The following RIT2 variants were observed in gnomAD, a reference collection of about 807,000 sequenced individuals.
RIT2 encodes the protein GTP-binding protein Rit2.
In RIT2, 24 loss-of-function variants were observed where a neutral mutation model predicts 23.7. That is an observed-to-expected ratio of 1.01 (90% confidence interval 0.73 to 1.43). The LOEUF is 1.43. RIT2 is among the 40% of genes most tolerant of loss of function. RIT2 has a pLI of 0.00. For missense variants in RIT2, 236 were observed against 266.9 expected, an observed-to-expected ratio of 0.88 and a Z score of 0.81; for synonymous variants, 107 against 91.1, an observed-to-expected ratio of 1.17 and a Z score of -0.99.
chr18:42,933,158 T>A lies in RIT2; in HGVS notation c.235-9395A>T, dbSNP rs149289214. Reference sequence around the variant, plus strand: ...AATGCCATTTAGAAAAATACTTTGATGTGCTAACTCTATGATAATGTATGT... The same window carrying A: ...AATGCCATTTAGAAAAATACTTTGAAGTGCTAACTCTATGATAATGTATGT... On this transcript the variant is annotated intron_variant, in intron 3 of 4. Transcript: ENST00000326695. 9.8e-4 allele frequency among the ~76,000 whole-genome samples: 149 copies of A among 152,276 alleles called. 2 individuals are homozygous for A. In the East Asian group the frequency reaches 0.021, roughly 22 times the overall value.
At chr18:42,844,257 A>G (rs962792918) in intron 4 of RIT2, among the ~76,000 whole-genome samples, 5 of 152,166 alleles carry the variant, frequency 3.3e-5, no homozygotes, top group Non-Finnish European at 5.9e-5. Flanking sequence ...ATAGCAGTGT[A>G]TCAGCTCAGT....
At position 42,997,848 on chromosome 18, in the gene RIT2, G is replaced by A. The variant is rs116543918; in HGVS notation, c.161-23701C>T. ...AGAGACATTCAAATAATAAAGATGAGGAGTAGGTGTCAACATCTGGGATTT... is the reference window on the plus strand; with the variant it reads ...AGAGACATTCAAATAATAAAGATGAAGAGTAGGTGTCAACATCTGGGATTT... On this transcript the variant is annotated intron_variant, in intron 2 of 4. Transcript: ENST00000326695. Among the ~76,000 whole-genome samples the A allele has an allele frequency of 4.0e-3, 616 of 152,226 alleles. 4 individuals carry two copies. Among genetic ancestry groups the A allele is most frequent in the African/African-American group, 0.013 (530 of 41,554 alleles).
intron 1 of RIT2, among the ~76,000 whole-genome samples, chr18:43,079,240 C>G (rs1446541323): frequency 1.3e-5 from 2 of 152,120 alleles, no homozygotes; most frequent in Non-Finnish European, 2.9e-5. Flanking sequence ...CATGATCACT[C>G]TTTAGGGAAG....
At chr18:42,764,610 A>G (rs1913378404) in intron 4 of RIT2, among the ~76,000 whole-genome samples, 1 of 152,180 alleles carries the variant, frequency 6.6e-6, no homozygotes, top group South Asian at 2.1e-4. Flanking sequence ...TACCTTATAG[A>G]TTAGATGTCC....
intron 1 of RIT2, among the ~76,000 whole-genome samples, chr18:43,071,416 A>G (rs1912894156): frequency 1.3e-5 from 2 of 152,324 alleles, no homozygotes; most frequent in East Asian, 1.9e-4. Flanking sequence ...TGGGACAAAA[A>G]GAACATCTTT....
chr18:43,111,082 T>C (rs1913941158), intron 1 of RIT2, among the ~76,000 whole-genome samples: 1 of 152,082 alleles, frequency 6.6e-6, no homozygotes, highest in South Asian at 2.1e-4. Context: ...ATAAAATAAA[T>C]GTGGTATATA....
intron 4 of RIT2, among the ~76,000 whole-genome samples, chr18:42,823,952 C>G (rs895064661): frequency 6.6e-5 from 10 of 152,086 alleles, no homozygotes; most frequent in African/African-American, 2.4e-4. Flanking sequence ...AGGAAACACT[C>G]TTTACATGTA....
At chr18:42,824,260 T>A (rs1906233435) in intron 4 of RIT2, among the ~76,000 whole-genome samples, 1 of 152,096 alleles carries the variant, frequency 6.6e-6, no homozygotes, top group South Asian at 2.1e-4. Flanking sequence ...TTAGTTTAAT[T>A]TCACACATTT....
chr18:42,832,120 T>A (rs1906475443), intron 4 of RIT2, among the ~76,000 whole-genome samples: 1 of 152,180 alleles, frequency 6.6e-6, no homozygotes, highest in Non-Finnish European at 1.5e-5. Context: ...GGAAAAATTT[T>A]ACAAAATAGG....
chr18:42,820,453 C>G (rs1906115946), intron 4 of RIT2, among the ~76,000 whole-genome samples: 1 of 152,136 alleles, frequency 6.6e-6, no homozygotes, highest in African/African-American at 2.4e-5. Flanking sequence ...AGCAGTTTGA[C>G]CTACAGGGGC....
intron 3 of RIT2, among the ~76,000 whole-genome samples, chr18:42,955,387 T>C (rs1909948131): frequency 6.6e-6 from 1 of 152,110 alleles, no homozygotes; most frequent in Non-Finnish European, 1.5e-5. Flanking sequence ...CAGCTGACCA[T>C]GGTGGCACAT....
intron 2 of RIT2, among the ~76,000 whole-genome samples, chr18:43,026,626 A>AAGAAAGAAAGAAAGAG (rs1911735191): frequency 1.6e-5 from 2 of 127,018 alleles, no homozygotes; most frequent in African/African-American, 5.6e-5. Context: ...GAAAGAAAGA[A>AAGAAAGAAAGAAAGAG]AGAAAGAAAG....
intron 4 of RIT2, among the ~76,000 whole-genome samples, chr18:42,905,318 G>A (rs1330709404): frequency 1.3e-5 from 2 of 152,150 alleles, no homozygotes; most frequent in East Asian, 1.9e-4. Flanking sequence ...TGAAACAAGA[G>A]CAGGGTAAAT....
chr18:42,827,184 A>G (rs17712687), intron 4 of RIT2, among the ~76,000 whole-genome samples: 16,367 of 152,254 alleles, frequency 0.11, 994 homozygotes, highest in Middle Eastern at 0.24. Flanking sequence ...CAGGGTTTAG[A>G]TGCTGACCAG....
chr18:42,938,213 G>C (rs907439467), intron 3 of RIT2, among the ~76,000 whole-genome samples: 3 of 152,156 alleles, frequency 2.0e-5, no homozygotes, highest in Non-Finnish European at 4.4e-5. Flanking sequence ...ATAGTATTGA[G>C]TGTGGCCAAG....
intron 1 of RIT2, among the ~76,000 whole-genome samples, chr18:43,086,148 A>T (rs1269081120): frequency 6.6e-6 from 1 of 152,176 alleles, no homozygotes; most frequent in Non-Finnish European, 1.5e-5. Context: ...TCTTGGCTCA[A>T]CATTCCTAAC....
chr18:43,085,924 C>T (rs1334131862), intron 1 of RIT2, among the ~76,000 whole-genome samples: 1 of 152,102 alleles, frequency 6.6e-6, no homozygotes, highest in Non-Finnish European at 1.5e-5. Context: ...GCCCTCTTGC[C>T]TGCCACCATG....
At chr18:43,058,330 A>C (rs1217205258) in intron 1 of RIT2, among the ~76,000 whole-genome samples, 1 of 152,132 alleles carries the variant, frequency 6.6e-6, no homozygotes, top group Non-Finnish European at 1.5e-5. Context: ...CTTAGACATA[A>C]AGATTCTACA....
intron 4 of RIT2, among the ~76,000 whole-genome samples, chr18:42,794,152 C>CCAGG (rs1336445021): frequency 2.6e-5 from 4 of 152,160 alleles, no homozygotes; most frequent in African/African-American, 7.2e-5. Context: ...GAAGGTAAGG[C>CCAGG]CAGGCACTCC....
Sources: allele counts gnomAD v4.1 joint callset (sites outside exome capture counted in the v4.1 genomes callset), GRCh38; gene constraint gnomAD v4.1.1; transcripts MANE v1.5; gene names NCBI Gene and HGNC (gene_info 2026-07-23, HGNC 2026-07-21).